SEMA6D: variants seen among roughly 807,000 people sequenced by gnomAD.
SEMA6D encodes semaphorin 6D, also known as semaphorin-6D.
A neutral mutation model predicts 106.6 loss-of-function variants in SEMA6D; 35 were observed. That is an observed-to-expected ratio of 0.33 (90% confidence interval 0.25 to 0.44). SEMA6D has a LOEUF of 0.44. Among genes scored for constraint, SEMA6D ranks in the 20% least tolerant of loss-of-function variants. The pLI, the probability that SEMA6D is intolerant of heterozygous loss-of-function variation, is 1.00. For synonymous variants in SEMA6D, 499 were observed against 487.7 expected (o/e 1.02, Z -0.31); for missense variants, 1,185 against 1,345.9 (o/e 0.88, Z 1.87).
chr15:47,664,017 T>A (rs1057216230), intron 4 of SEMA6D, among the ~76,000 whole-genome samples: 1 of 152,210 alleles, frequency 6.6e-6, no homozygotes, highest in African/African-American at 2.4e-5. Flanking sequence ...GAAGTAGATA[T>A]TCTTCTTATG....
intron 1 of SEMA6D, among the ~76,000 whole-genome samples, chr15:47,391,749 C>G (rs1295098982): frequency 6.7e-6 from 1 of 150,290 alleles, no homozygotes; most frequent in African/African-American, 2.5e-5. Flanking sequence ...TTGTGGGAGT[C>G]TCTACTGAAG....
At chr15:47,425,979 G>C (rs2041324624) in intron 2 of SEMA6D, among the ~76,000 whole-genome samples, 1 of 151,996 alleles carries the variant, frequency 6.6e-6, no homozygotes. Context: ...GCTATAGGCA[G>C]GTGTTTTGTA....
chr15:47,603,649 T>C (rs982566169), intron 4 of SEMA6D, among the ~76,000 whole-genome samples: 14 of 152,178 alleles, frequency 9.2e-5, no homozygotes, highest in African/African-American at 2.6e-4. Context: ...GTGCGAAAAG[T>C]CCCTCGTAAT....
intron 1 of SEMA6D, among the ~76,000 whole-genome samples, chr15:47,234,714 A>G (rs1465978780): frequency 2.6e-5 from 4 of 152,058 alleles, no homozygotes; most frequent in Non-Finnish European, 2.9e-5. Flanking sequence ...TCCATGGTGT[A>G]TATATTATCA....
Position 47,493,520 on chromosome 15 carries a change from A to G in SEMA6D, c.-87+22975A>G, listed in dbSNP as rs148057469. On this transcript the variant is annotated intron_variant, in intron 3 of 19. Coordinates refer to the SEMA6D transcript ENST00000558014. ...GGAAGAAGATTAGCCACAACCCAGC[A>G]TTCACAGACACCCTTGACGGAGAAT... Among the ~76,000 whole-genome samples, 474 of 152,294 alleles carry G rather than the reference A, an allele frequency of 3.1e-3. 11 individuals carry two copies. In the South Asian group the frequency reaches 0.044, roughly 14 times the overall value.
chr15:47,425,349 C>G (rs1403849635), intron 2 of SEMA6D, among the ~76,000 whole-genome samples: 1 of 151,934 alleles, frequency 6.6e-6, no homozygotes, highest in Non-Finnish European at 1.5e-5. Context: ...CAGAAAGTCC[C>G]TGATTCTGAG....
At chr15:47,216,121 T>C (rs1032029887) in intron 1 of SEMA6D, among the ~76,000 whole-genome samples, 1 of 152,134 alleles carries the variant, frequency 6.6e-6, no homozygotes, top group Non-Finnish European at 1.5e-5. Flanking sequence ...TTTTTTCTTT[T>C]AAAAATACTA....
intron 4 of SEMA6D, among the ~76,000 whole-genome samples, chr15:47,654,428 G>A (rs938525676): frequency 6.6e-6 from 1 of 152,314 alleles, no homozygotes; most frequent in Admixed American, 6.5e-5. Flanking sequence ...AATAAAGGAA[G>A]CTGGAGAAAA....
chr15:47,569,439 A>T (rs2046320229), intron 3 of SEMA6D, among the ~76,000 whole-genome samples: 1 of 152,154 alleles, frequency 6.6e-6, no homozygotes, highest in Admixed American at 6.5e-5. Context: ...ATACAAGGTG[A>T]TGTGAGCCCT....
chr15:47,211,009 T>C (rs1004652273), intron 1 of SEMA6D, among the ~76,000 whole-genome samples: 1 of 152,132 alleles, frequency 6.6e-6, no homozygotes, highest in Non-Finnish European at 1.5e-5. Flanking sequence ...TGTATATAAT[T>C]AGAAATTTTA....
At chr15:47,319,024 T>C (rs1265681767) in intron 1 of SEMA6D, among the ~76,000 whole-genome samples, 2 of 152,132 alleles carry the variant, frequency 1.3e-5, no homozygotes, top group East Asian at 3.8e-4. Flanking sequence ...TCTTTTCTTT[T>C]CTTTTTTTTC....
rs115846032 is a variant in SEMA6D at position 47,673,142 on chromosome 15, T to A, written c.-55+72246T>A. Among the ~76,000 whole-genome samples, 1,240 of 152,144 alleles carry A rather than the reference T, an allele frequency of 8.2e-3. 14 individuals carry two copies. The highest frequency in any genetic ancestry group is 0.028 in the African/African-American group (1,177 of 41,522). Reference sequence around the variant, plus strand: ...ATCCCCCAAAGGCCAGCTATCCACTTGAGCCACGTCCCTACAATTACTCCT... The same window carrying A: ...ATCCCCCAAAGGCCAGCTATCCACTAGAGCCACGTCCCTACAATTACTCCT... On this transcript the variant is annotated intron_variant, in intron 4 of 19. Transcript: ENST00000558014.
At chr15:47,512,279 A>C (rs894474908) in intron 3 of SEMA6D, among the ~76,000 whole-genome samples, 1 of 152,180 alleles carries the variant, frequency 6.6e-6, no homozygotes, top group Non-Finnish European at 1.5e-5. Context: ...TCTTCAATTG[A>C]GCAGTTGTGA....
chr15:47,294,432 C>T (rs2035724665), intron 1 of SEMA6D, among the ~76,000 whole-genome samples: 1 of 152,134 alleles, frequency 6.6e-6, no homozygotes, highest in Non-Finnish European at 1.5e-5. Flanking sequence ...ACATGTTGGC[C>T]AGGCTGATCT....
intron 1 of SEMA6D, among the ~76,000 whole-genome samples, chr15:47,331,642 CA>C (rs78911706): frequency 0.13 from 19,963 of 152,088 alleles, 1,482 homozygotes; most frequent in East Asian, 0.34. Context: ...AACAAAATAA[CA>C]GTATCTTTGG....
intron 3 of SEMA6D, among the ~76,000 whole-genome samples, chr15:47,505,966 A>G (rs1433620545): frequency 6.6e-6 from 1 of 152,080 alleles, no homozygotes; most frequent in Non-Finnish European, 1.5e-5. Flanking sequence ...GGTGTGGAGA[A>G]GTCAGGGGGT....
At chr15:47,593,180 G>T (rs949205456) in intron 3 of SEMA6D, among the ~76,000 whole-genome samples, 1 of 151,894 alleles carries the variant, frequency 6.6e-6, no homozygotes, top group Non-Finnish European at 1.5e-5. Flanking sequence ...CGAGGCGGGC[G>T]GATCACAAGG....
chr15:47,422,069 C>A (rs2041175946), intron 2 of SEMA6D, among the ~76,000 whole-genome samples: 1 of 147,128 alleles, frequency 6.8e-6, no homozygotes, highest in South Asian at 2.2e-4. Flanking sequence ...CTAAGAACCA[C>A]AATGTTAAGG....
chr15:47,404,392 A>G (rs281313), intron 1 of SEMA6D, among the ~76,000 whole-genome samples: 90,154 of 151,988 alleles, frequency 0.59, 27,581 homozygotes, highest in Middle Eastern at 0.71. Flanking sequence ...ATTTTATCAA[A>G]GAGAGACCTG....
Sources: gnomAD v4.1 joint callset for allele counts (sites outside exome capture counted in the v4.1 genomes callset) on GRCh38, gnomAD v4.1.1 for gene constraint, MANE v1.5 for transcripts, NCBI Gene and HGNC (gene_info 2026-07-23, HGNC 2026-07-21) for gene names.